SS18: variants seen among roughly 807,000 people sequenced by gnomAD.
SS18 encodes protein SSXT.
Under a neutral mutation model 72.5 loss-of-function variants are expected in SS18, and 28 were observed. The ratio of observed to expected loss-of-function variants is 0.39; its 90% CI spans 0.29 to 0.53. The LOEUF (loss-of-function observed/expected upper bound fraction) is 0.53, where lower values mean the gene tolerates loss of function less well. Ranked by LOEUF, SS18 falls within the 20% of genes least tolerant of loss-of-function variation. The pLI is 0.76. For synonymous variants in SS18, 172 were observed against 164.2 expected (o/e 1.05, Z -0.37); for missense variants, 518 against 535.3 (o/e 0.97, Z 0.32).
intron 5 of SS18, among the ~76,000 whole-genome samples, chr18:26,049,193 A>G (rs185079527): frequency 6.6e-6 from 1 of 152,380 alleles, no homozygotes; most frequent in East Asian, 1.9e-4. Flanking sequence ...CTGATAATGA[A>G]AAATACACAG....
chr18:26,044,955 G>A (rs1268801592), intron 5 of SS18, among the ~76,000 whole-genome samples: 1 of 152,186 alleles, frequency 6.6e-6, no homozygotes, highest in Admixed American at 6.5e-5. Context: ...AACACATAGT[G>A]ACTGTTCAAG....
At chr18:26,058,738 T>TGTG (rs1261906726) in intron 3 of SS18, among the ~76,000 whole-genome samples, 1 of 152,152 alleles carries the variant, frequency 6.6e-6, no homozygotes, top group Admixed American at 6.6e-5. Context: ...AATAAACAAG[T>TGTG]CTACTCTAAT....
rs73944450 is a variant in SS18 at position 26,057,759 on chromosome 18, T to A, written c.232-17A>T. 5,519 of 1,584,700 alleles carry A rather than the reference T, an allele frequency of 3.5e-3. 154 individuals are homozygous for A. The African/African-American group carries it at 0.065, about 19-fold the overall frequency. On this transcript the variant is annotated splice_polypyrimidine_tract_variant and intron_variant, in intron 3 of 10. Coordinates refer to ENST00000415083, the MANE Select transcript of SS18 (RefSeq NM_001007559.3). ...TGTGGGTGGCTGAAAGAAGACAGTT[T>A]AGTAAAACAAGAGAAACAGACTAAT...
chr18:26,039,208 A>ACTTTGTCTAG (rs2053680447), intron 6 of SS18, 81 bp downstream of exon 6: 1 of 843,330 alleles, frequency 1.2e-6, no homozygotes, highest in African/African-American at 1.8e-5. Context: ...AAACGCCCTG[A>ACTTTGTCTAG]CTTTGTCTAG....
chr18:26,052,839 T>C lies in SS18; in HGVS notation c.392A>G (p.Asn131Ser), dbSNP rs773560721. 1.2e-6 allele frequency: 2 copies of C among 1,611,026 alleles called. No individual in the cohort carries two copies. Among genetic ancestry groups the C allele is most frequent in the Admixed American group, 3.3e-5 (2 of 59,962 alleles). Residue 131 changes from asparagine to serine, a missense_variant, in exon 5 of 11, where the codon AAC becomes AGC. Transcript: ENST00000415083. ...NQMNGQMPGP[N>S]HMPMQGPGPN... ...TCCAGGTCCCTGCATAGGCATATGG[T>C]TAGGCCCTTTGAAGAAAAATGATCA...
intron 2 of SS18, 103 bp downstream of exon 2, chr18:26,087,398 T>C (rs547832211): frequency 5.5e-5 from 38 of 695,372 alleles, no homozygotes; most frequent in African/African-American, 4.6e-4. Flanking sequence ...AATAGGTGAA[T>C]TGTATGGTAT....
intron 3 of SS18, among the ~76,000 whole-genome samples, chr18:26,060,759 T>A: frequency 2.3e-5 from 1 of 43,560 alleles, no homozygotes; most frequent in African/African-American, 5.5e-5. Context: ...ACTCTGTCTC[T>A]ACTAAAAATA....
chr18:26,067,920 C>T (rs886593291), intron 3 of SS18, among the ~76,000 whole-genome samples: 2 of 152,096 alleles, frequency 1.3e-5, no homozygotes, highest in Non-Finnish European at 2.9e-5. Context: ...AAAACTGTTC[C>T]ACCTCAGATC....
chr18:26,063,241 C>T (rs983585630), intron 3 of SS18, among the ~76,000 whole-genome samples: 16 of 151,630 alleles, frequency 1.1e-4, no homozygotes, highest in Non-Finnish European at 4.4e-5. Context: ...ATCAGTAGGC[C>T]GGGTGCGGTG....
chr18:26,026,828 A>C lies in SS18; in HGVS notation c.1230+5571T>G, dbSNP rs140640647. ...ATACACAAAAATAAGCTGTATTTGT[A>C]TATACTAGCAACTAATAACTGGAAA... On this transcript the variant is annotated intron_variant, in intron 10 of 10. Transcript: ENST00000415083. Among the ~76,000 whole-genome samples, 849 of 152,336 alleles carry C rather than the reference A, an allele frequency of 5.6e-3. 6 individuals are homozygous for C. The highest frequency in any genetic ancestry group is 9.3e-3 in the Non-Finnish European group (631 of 68,038).
At chr18:26,064,029 T>A (rs1348321543) in intron 3 of SS18, among the ~76,000 whole-genome samples, 1 of 152,110 alleles carries the variant, frequency 6.6e-6, no homozygotes, top group Non-Finnish European at 1.5e-5. Context: ...TAAGAACAAC[T>A]TTATGATAAT....
chr18:26,074,864 A>G (rs2054382756), intron 3 of SS18, among the ~76,000 whole-genome samples: 1 of 151,958 alleles, frequency 6.6e-6, no homozygotes, highest in Non-Finnish European at 1.5e-5. Flanking sequence ...ATGATCAAAA[A>G]ATATTTCAAA....
chr18:26,050,213 C>T (rs116889526), intron 5 of SS18, among the ~76,000 whole-genome samples: 1,686 of 148,682 alleles, frequency 0.011, 22 homozygotes, highest in Non-Finnish European at 0.014. Flanking sequence ...CCAGCCTGGG[C>T]GACAAAAAGT....
intron 9 of SS18, among the ~76,000 whole-genome samples, chr18:26,033,261 C>A (rs1370510751): frequency 2.0e-5 from 3 of 152,296 alleles, no homozygotes; most frequent in East Asian, 3.9e-4. Flanking sequence ...CGCCTGTAAT[C>A]CCAGCACTCT....
At position 26,032,571 on chromosome 18, in the gene SS18, G is replaced by C. The variant is rs761293756; in HGVS notation, c.1097-39C>G. 3.1e-6 allele frequency: 5 copies of C among 1,607,904 alleles called. No individual in the cohort carries two copies. In the Admixed American group the frequency reaches 8.4e-5, roughly 27 times the overall value. ...ACACAACAAAAACCCACATAAAAAG[G>C]TAAGTCCCTAGAACTCAGGGAAGGA... On this transcript the variant is annotated intron_variant, in intron 9 of 10. Transcript: ENST00000415083.
At chr18:26,090,925 G>A (rs998504316), upstream of SS18, 4 of 351,644 alleles carry the variant, frequency 1.1e-5, no homozygotes, top group African/African-American at 2.2e-5. Flanking sequence ...GCGGGAGAAG[G>A]AGAGGCTGGG....
chr18:26,021,893 C>T (rs1201547834), intron 10 of SS18, among the ~76,000 whole-genome samples: 1 of 152,018 alleles, frequency 6.6e-6, no homozygotes, highest in Non-Finnish European at 1.5e-5. Flanking sequence ...GCAGAGCTGT[C>T]GAGTAGGCAT....
rs1385356613 is a variant in SS18 at position 26,033,327 on chromosome 18, A to C, written c.1097-795T>G. Among the ~76,000 whole-genome samples the C allele has an allele frequency of 2.0e-5, 3 of 152,170 alleles. No homozygotes were observed. In the East Asian group the frequency reaches 5.8e-4, roughly 29 times the overall value. On this transcript the variant is annotated intron_variant, in intron 9 of 10. Transcript: ENST00000415083. ...TCAGGAGTTTGAGACCAGCCTGACC[A>C]ATATGATGAAACCCCATCTCTACTA...
intron 2 of SS18, among the ~76,000 whole-genome samples, chr18:26,079,861 G>A (rs549357179): frequency 2.6e-5 from 4 of 152,092 alleles, no homozygotes; most frequent in South Asian, 4.2e-4. Context: ...GATTACAGGC[G>A]TGAGCCACTG....
Sources: gnomAD v4.1 joint callset for allele counts (sites outside exome capture counted in the v4.1 genomes callset) on GRCh38, gnomAD v4.1.1 for gene constraint, MANE v1.5 for transcripts, NCBI Gene and HGNC (gene_info 2026-07-23, HGNC 2026-07-21) for gene names.